The following CREBBP variants were observed in gnomAD, a reference collection of about 807,000 sequenced individuals.
CREBBP encodes CREB binding lysine acetyltransferase, also known as CREB-binding protein.
CREBBP carries 19 observed loss-of-function variants against 265.0 expected under a neutral mutation model. The ratio of observed to expected loss-of-function variants is 0.07; its 90% CI spans 0.05 to 0.11. The LOEUF is 0.11. Among genes scored for constraint, CREBBP ranks in the 10% least tolerant of loss-of-function variants. The pLI, the probability that CREBBP is intolerant of heterozygous loss-of-function variation, is 1.00. For synonymous variants in CREBBP, 1,457 were observed against 1,223.7 expected (o/e 1.19, Z -3.98); for missense variants, 2,525 against 3,219.0 (o/e 0.78, Z 5.22).
chr16:3,838,799 TC>T (rs1328840030), intron 2 of CREBBP, among the ~76,000 whole-genome samples: 1 of 152,090 alleles, frequency 6.6e-6, no homozygotes, highest in Non-Finnish European at 1.5e-5. Context: ...TCCTCCCACC[TC>T]CGCCTCCCAA....
intron 19 of CREBBP, among the ~76,000 whole-genome samples, chr16:3,752,192 T>C (rs993916357): frequency 2.6e-5 from 4 of 152,228 alleles, no homozygotes; most frequent in Admixed American, 6.5e-5. Flanking sequence ...TAGAATTGCA[T>C]GGAGCCCAAA....
At chr16:3,767,271 C>T (rs1567295440) in intron 16 of CREBBP, 4 of 186,090 alleles carry the variant, frequency 2.1e-5, no homozygotes, top group Admixed American at 5.4e-5. Context: ...TTCCTCACTG[C>T]ACCTGCAGAA....
At chr16:3,810,553 C>A (rs190677981) in intron 3 of CREBBP, 50 bp downstream of exon 3, 12 of 1,600,846 alleles carry the variant, frequency 7.5e-6, no homozygotes, top group Non-Finnish European at 1.7e-6. Flanking sequence ...AATCCACAGA[C>A]CACAGCACCC....
At chr16:3,800,835 G>T (rs910056935) in intron 3 of CREBBP, among the ~76,000 whole-genome samples, 1 of 152,238 alleles carries the variant, frequency 6.6e-6, no homozygotes, top group African/African-American at 2.4e-5. Flanking sequence ...TGAGAGGCTA[G>T]ATTACATAAA....
chr16:3,845,797 G>C (rs1202207609), intron 2 of CREBBP, among the ~76,000 whole-genome samples: 1 of 151,394 alleles, frequency 6.6e-6, no homozygotes, highest in Non-Finnish European at 1.5e-5. Flanking sequence ...TGAGGCAGGC[G>C]GATCACCTGA....
chr16:3,728,245 T>C lies in CREBBP; in HGVS notation c.6802A>G (p.Met2268Val), dbSNP rs2151301370. The C allele has an allele frequency of 1.2e-6, 2 of 1,613,116 alleles. No individual in the cohort carries two copies. Among genetic ancestry groups the C allele is most frequent in the Non-Finnish European group, 1.7e-6 (2 of 1,179,880 alleles). The stretch of plus-strand genomic sequence containing the variant: ...TGCCCCATCTGGCCAAGCTGTCCCA[T>C]CTGAGCCGCCATCTGGCCCATGGAG... ...GSSMGQMAAQMGQLGQMGQPG... is the reference protein window; with the variant it reads ...GSSMGQMAAQVGQLGQMGQPG... Residue 2268 changes from methionine (M) to valine (V), a missense_variant, in exon 31 of 31, where the codon ATG (methionine) becomes GTG (valine). By Grantham distance (21) the Met-to-Val change is conservative. This residue lies in a region of CREBBP where 473 missense variants were observed against 459.3 expected (regional missense o/e 1.03). Coordinates refer to ENST00000262367, the MANE Select transcript of CREBBP (RefSeq NM_004380.3). The surrounding 1 kb of genome is among the most constrained non-coding windows in gnomAD (Gnocchi z 8.7).
At chr16:3,776,226 T>C (rs971980698) in intron 11 of CREBBP, among the ~76,000 whole-genome samples, 1 of 152,190 alleles carries the variant, frequency 6.6e-6, no homozygotes, top group African/African-American at 2.4e-5. Context: ...CCTGACTCCT[T>C]GATTTCTTTC....
chr16:3,817,368 T>C (rs1047197542), intron 2 of CREBBP, among the ~76,000 whole-genome samples: 6 of 152,242 alleles, frequency 3.9e-5, no homozygotes, highest in Non-Finnish European at 8.8e-5. Flanking sequence ...TATCATTTTC[T>C]ACTTGTAATG....
rs2141200227 is a variant in CREBBP, at chr16:3,770,683, G to T, written c.2767C>A (p.Gln923Lys). Residue 923 changes from glutamine (Q) to lysine (K), a missense_variant, in exon 14 of 31, where the codon CAG (glutamine) becomes AAG (lysine). Physicochemically the swap from Gln to Lys is moderately conservative, Grantham distance 53. This residue lies in a region of CREBBP where 548 missense variants were observed against 533.0 expected (regional missense o/e 1.03). Coordinates refer to ENST00000262367, the MANE Select transcript of CREBBP (RefSeq NM_004380.3). ...TGAGGCTGCGGGGTCACCTGGGCCT[G>T]GGCTGCTGCCTGGACTGTAGGGGTG... ...QSTPTVQAAA[Q>K]AQVTPQPQTP... 1 of 1,614,058 alleles carries T rather than the reference G, an allele frequency of 6.2e-7. No individual in the cohort carries two copies. The highest frequency in any genetic ancestry group is 8.5e-7 in the Non-Finnish European group (1 of 1,180,000).
chr16:3,870,783 A>G (rs1375591020), intron 1 of CREBBP, among the ~76,000 whole-genome samples: 1 of 152,144 alleles, frequency 6.6e-6, no homozygotes, highest in Admixed American at 6.6e-5. Flanking sequence ...CCATACAATT[A>G]AACAATAAAA....
chr16:3,760,014 T>C (rs1222559644), intron 16 of CREBBP, among the ~76,000 whole-genome samples: 6 of 152,222 alleles, frequency 3.9e-5, no homozygotes, highest in African/African-American at 9.6e-5. Flanking sequence ...GAGAAGAAAC[T>C]GGAGGCAAAG....
chr16:3,829,407 G>A (rs1218568196), intron 2 of CREBBP, among the ~76,000 whole-genome samples: 5 of 152,196 alleles, frequency 3.3e-5, no homozygotes, highest in East Asian at 3.9e-4. Flanking sequence ...CTCCCAGTGC[G>A]ACCACACACA....
In CREBBP at chr16:3,810,594, G is replaced by T. The variant is rs373840169; in HGVS notation, c.975+9C>A. On this transcript the variant is annotated intron_variant, in intron 3 of 30. Transcript: ENST00000262367. ...AGAGCCATAACACTGAGGGCCAAGG[G>T]TAACTTACCATATTTGGCACGTTGG... The T allele has an allele frequency of 6.2e-6, 10 of 1,613,460 alleles. No homozygotes were observed. The highest frequency in any genetic ancestry group is 8.5e-6 in the Non-Finnish European group (10 of 1,179,960).
At chr16:3,878,600 T>C (rs960793449) in intron 1 of CREBBP, among the ~76,000 whole-genome samples, 1 of 152,256 alleles carries the variant, frequency 6.6e-6, no homozygotes, top group Non-Finnish European at 1.5e-5. Context: ...CAGTTTTTTT[T>C]AATATGCTAG....
intron 1 of CREBBP, among the ~76,000 whole-genome samples, chr16:3,863,890 C>T (rs985849389): frequency 1.3e-5 from 2 of 152,196 alleles, no homozygotes; most frequent in African/African-American, 4.8e-5. Context: ...AGCCCCTGCA[C>T]GTTAGCCCAA....
Position 3,770,705 on chromosome 16 carries a change from G to T in CREBBP, c.2745C>A (p.Thr915=), listed in dbSNP as rs2052981500. The stretch of plus-strand genomic sequence containing the variant: ...CCTGGGCTGCTGCCTGGACTGTAGG[G>T]GTGCTCTGGGTTTGGGTAGCACTGG... The part of the protein sequence containing the change: ...SVPSATQTQS[T]PTVQAAAQAQ... Residue 915 remains threonine (T), a synonymous_variant, in exon 14 of 31, where the codon ACC becomes ACA. Transcript: ENST00000262367. 6.2e-7 allele frequency: 1 copy of T among 1,614,106 alleles called. No homozygotes were observed. Among genetic ancestry groups the T allele is most frequent in the Non-Finnish European group, 8.5e-7 (1 of 1,180,016 alleles).
At chr16:3,797,034 A>G (rs2053621216) in intron 3 of CREBBP, among the ~76,000 whole-genome samples, 1 of 152,206 alleles carries the variant, frequency 6.6e-6, no homozygotes, top group African/African-American at 2.4e-5. Context: ...TCAATGAGCC[A>G]TGAGAGTTAG....
intron 16 of CREBBP, among the ~76,000 whole-genome samples, chr16:3,765,659 A>G (rs2052833445): frequency 6.6e-6 from 1 of 152,010 alleles, no homozygotes; most frequent in African/African-American, 2.4e-5. Flanking sequence ...TATTAGTATT[A>G]TTTTTTGAGA....
intron 28 of CREBBP, among the ~76,000 whole-genome samples, chr16:3,734,898 G>A (rs891311082): frequency 2.6e-5 from 4 of 152,124 alleles, no homozygotes; most frequent in Non-Finnish European, 5.9e-5. Context: ...GTCCCCAGCC[G>A]GCTCCCGGCT....
Sources: gnomAD v4.1 joint callset for allele counts (sites outside exome capture counted in the v4.1 genomes callset) on GRCh38, gnomAD v4.1.1 for gene constraint, gnomAD v4.1.1 regional missense constraint, Gnocchi (gnomAD v3.1) non-coding constraint, MANE v1.5 for transcripts, NCBI Gene and HGNC (gene_info 2026-07-23, HGNC 2026-07-21) for gene names.